MTUS2: variants seen among roughly 807,000 people sequenced by gnomAD.
MTUS2 encodes microtubule associated scaffold protein 2.
Under a neutral mutation model 114.1 loss-of-function variants are expected in MTUS2, and 40 were observed. The ratio of observed to expected loss-of-function variants is 0.35; its 90% CI spans 0.27 to 0.46. The LOEUF (loss-of-function observed/expected upper bound fraction) is 0.46, where lower values mean the gene tolerates loss of function less well. Ranked by LOEUF, MTUS2 falls within the 20% of genes least tolerant of loss-of-function variation. MTUS2 has a pLI of 1.00. For missense variants in MTUS2, 1,679 were observed against 1,705.4 expected (o/e 0.98, Z 0.27); for synonymous variants, 688 against 672.0 (o/e 1.02, Z -0.37).
At position 29,142,155 on chromosome 13, in the gene MTUS2, T is replaced by C. The variant is rs535894837; in HGVS notation, c.2644+41185T>C. On this transcript the variant is annotated intron_variant, in intron 5 of 15. Coordinates refer to ENST00000612955, the MANE Select transcript of MTUS2 (RefSeq NM_001033602.4). ...GGGGATCTAATTTTTTTAAGTATTA[T>C]TATTTAGGTAATTATATGTGTATAT... 3.9e-5 allele frequency among the ~76,000 whole-genome samples: 6 copies of C among 152,248 alleles called. No individual in the cohort carries two copies. In the South Asian group the frequency reaches 1.2e-3, roughly 32 times the overall value.
At chr13:28,987,946 T>C (rs569548455) in intron 2 of MTUS2, among the ~76,000 whole-genome samples, 53 of 152,306 alleles carry the variant, frequency 3.5e-4, no homozygotes, top group Non-Finnish European at 6.8e-4. Flanking sequence ...GCTAGGGGAA[T>C]AGATCCTGCA....
intron 5 of MTUS2, among the ~76,000 whole-genome samples, chr13:29,130,193 C>CTCATTAATTAACAT (rs1566023447): frequency 2.7e-5 from 4 of 150,070 alleles, no homozygotes; most frequent in Non-Finnish European, 5.9e-5. Flanking sequence ...TTAATTAACA[C>CTCATTAATTAACAT]GTTTAACTCA....
intron 5 of MTUS2, among the ~76,000 whole-genome samples, chr13:29,236,273 G>GT (rs1387202875): frequency 6.6e-6 from 1 of 152,170 alleles, no homozygotes; most frequent in Non-Finnish European, 1.5e-5. Flanking sequence ...TCTTAGCACA[G>GT]TAGGTATATT....
chr13:29,304,169 G>A (rs984439296), intron 6 of MTUS2, among the ~76,000 whole-genome samples: 1 of 152,056 alleles, frequency 6.6e-6, no homozygotes, highest in African/African-American at 2.4e-5. Flanking sequence ...ACCAATACCA[G>A]CCACTATGAA....
At chr13:28,941,069 C>CAA (rs5802498) in intron 2 of MTUS2, among the ~76,000 whole-genome samples, 107,345 of 148,992 alleles carry the variant, frequency 0.72, 42,729 homozygotes, top group Non-Finnish European at 0.9. Context: ...TACTACAAAG[C>CAA]AAAAAAAAAA....
At chr13:29,333,246 G>T (rs1383715025) in intron 7 of MTUS2, among the ~76,000 whole-genome samples, 1 of 152,016 alleles carries the variant, frequency 6.6e-6, no homozygotes, top group Non-Finnish European at 1.5e-5. Flanking sequence ...TGCCCAGGCG[G>T]GATTGCAATG....
chr13:29,158,145 C>T (rs972349790), intron 5 of MTUS2, among the ~76,000 whole-genome samples: 7 of 152,210 alleles, frequency 4.6e-5, no homozygotes, highest in Admixed American at 1.3e-4. Flanking sequence ...CTGTCCCTCC[C>T]GGACTCCCTC....
intron 9 of MTUS2, among the ~76,000 whole-genome samples, chr13:29,475,133 G>A (rs1013899607): frequency 1.3e-5 from 2 of 152,140 alleles, no homozygotes; most frequent in African/African-American, 4.8e-5. Context: ...CAACATTGCA[G>A]TCAACAACAG....
intron 5 of MTUS2, among the ~76,000 whole-genome samples, chr13:29,230,236 A>G (rs1451209304): frequency 1.3e-5 from 2 of 152,168 alleles, no homozygotes; most frequent in Non-Finnish European, 2.9e-5. Flanking sequence ...ACAGAGCAAG[A>G]CTCCGTCTCA....
intron 2 of MTUS2, among the ~76,000 whole-genome samples, chr13:28,942,542 G>C (rs1236826199): frequency 6.6e-6 from 1 of 152,170 alleles, no homozygotes; most frequent in Non-Finnish European, 1.5e-5. Context: ...ATTCCTAACA[G>C]CTCCAAACTG....
intron 5 of MTUS2, among the ~76,000 whole-genome samples, chr13:29,124,414 T>A (rs890183419): frequency 5.9e-5 from 9 of 152,216 alleles, no homozygotes; most frequent in African/African-American, 2.2e-4. Flanking sequence ...CTATTTTTTT[T>A]AAAAAGCCCA....
At position 29,025,493 on chromosome 13, in the gene MTUS2, T is replaced by G; in HGVS notation, c.795T>G (p.His265Gln). The G allele has an allele frequency of 6.2e-7, 1 of 1,613,552 alleles. No individual in the cohort carries two copies. Among genetic ancestry groups the G allele is most frequent in the Non-Finnish European group, 8.5e-7 (1 of 1,179,688 alleles). ...CAGAGACCCAAACAGTGGGGGCACA[T>G]GTACTGCAGGTGTGCAGTGAGCACA... Reference protein sequence around the residue: ...TPSETQTVGAHVLQVCSEHTS... With the variant: ...TPSETQTVGAQVLQVCSEHTS... The change falls in exon 3 of 16, where the codon CAT (histidine) becomes CAG (glutamine). Residue 265 changes from histidine to glutamine, a missense_variant. His to Gln is a conservative substitution (Grantham distance 24). Transcript: ENST00000612955.
intron 6 of MTUS2, chr13:29,307,751 T>C: frequency 9.3e-7 from 1 of 1,078,180 alleles, no homozygotes; most frequent in Non-Finnish European, 1.4e-6. Context: ...AACAGGGTGA[T>C]GGACCTCATG....
intron 8 of MTUS2, among the ~76,000 whole-genome samples, chr13:29,416,041 G>C (rs569533230): frequency 1.3e-5 from 2 of 150,586 alleles, no homozygotes; most frequent in Non-Finnish European, 1.5e-5. Flanking sequence ...TCAGCCTCCC[G>C]AGTAGCTGGG....
chr13:28,931,098 G>C (rs9551574), intron 2 of MTUS2, among the ~76,000 whole-genome samples: 12,766 of 152,190 alleles, frequency 0.084, 601 homozygotes, highest in South Asian at 0.13. Context: ...ATGGAATTCT[G>C]TTCCCTGGCC....
intron 2 of MTUS2, among the ~76,000 whole-genome samples, chr13:28,942,624 A>C (rs1484824041): frequency 2.0e-5 from 3 of 152,262 alleles, no homozygotes; most frequent in Admixed American, 2.0e-4. Flanking sequence ...ATGGAATCCT[A>C]TACAGCAATC....
At chr13:29,280,036 A>G (rs915334945) in intron 5 of MTUS2, among the ~76,000 whole-genome samples, 1 of 152,210 alleles carries the variant, frequency 6.6e-6, no homozygotes, top group African/African-American at 2.4e-5. Context: ...TACTTGTGAA[A>G]TATTTCTAGT....
At chr13:29,389,652 C>T (rs1407176682) in intron 8 of MTUS2, among the ~76,000 whole-genome samples, 2 of 136,220 alleles carry the variant, frequency 1.5e-5, no homozygotes, top group Admixed American at 7.2e-5. Flanking sequence ...TATGTATATA[C>T]GTATATATGT....
At chr13:29,338,624 A>C (rs1408943115) in intron 7 of MTUS2, among the ~76,000 whole-genome samples, 1 of 152,160 alleles carries the variant, frequency 6.6e-6, no homozygotes, top group Non-Finnish European at 1.5e-5. Context: ...CATAACCCAA[A>C]GTCACAAAAA....
Sources: gnomAD v4.1 joint callset for allele counts (sites outside exome capture counted in the v4.1 genomes callset) on GRCh38, gnomAD v4.1.1 for gene constraint, MANE v1.5 for transcripts, NCBI Gene and HGNC (gene_info 2026-07-23, HGNC 2026-07-21) for gene names.